Variants in ZNF782 observed in about 807,000 individuals in gnomAD.
ZNF782 encodes zinc finger protein 782.
Under a neutral mutation model 13.0 loss-of-function variants are expected in ZNF782, and 12 were observed. The ratio of observed to expected loss-of-function variants is 0.92; its 90% CI spans 0.59 to 1.50. The LOEUF (loss-of-function observed/expected upper bound fraction) is 1.50. Among genes scored for constraint, ZNF782 ranks in the 40% most tolerant of loss-of-function variants. The pLI, the probability that ZNF782 is intolerant of heterozygous loss-of-function variation, is 0.00. For synonymous variants in ZNF782, 284 were observed against 283.0 expected, an observed-to-expected ratio of 1.00 and a Z score of -0.04; for missense variants, 770 against 822.9, an observed-to-expected ratio of 0.94 and a Z score of 0.79.
At chr9:96,865,294 A>T (rs1424493664) in intron 1 of ZNF782, among the ~76,000 whole-genome samples, 2 of 152,178 alleles carry the variant, frequency 1.3e-5, no homozygotes, top group East Asian at 1.9e-4. Flanking sequence ...TATGGGAGGG[A>T]CCCAGTGGGA....
intron 1 of ZNF782, among the ~76,000 whole-genome samples, chr9:96,872,303 C>T (rs183368910): frequency 2.0e-5 from 3 of 152,174 alleles, no homozygotes; most frequent in East Asian, 3.9e-4. Context: ...GAGGCCAAGG[C>T]AGGTAGTTCA....
intron 1 of ZNF782, among the ~76,000 whole-genome samples, chr9:96,868,993 C>T (rs537363606): frequency 2.0e-5 from 3 of 152,078 alleles, no homozygotes; most frequent in Admixed American, 6.6e-5. Flanking sequence ...ACCTTTGCGC[C>T]TTGGCACACG....
the ZNF782 span, among the ~76,000 whole-genome samples, chr9:96,927,129 C>T: frequency 6.6e-6 from 1 of 152,102 alleles, no homozygotes; most frequent in Admixed American, 6.5e-5. Flanking sequence ...AGACAGGCTA[C>T]AATAATTCCC....
At chr9:96,879,371 C>T (rs1444347609), upstream of ZNF782, among the ~76,000 whole-genome samples, 1 of 152,148 alleles carries the variant, frequency 6.6e-6, no homozygotes, top group East Asian at 1.9e-4. Flanking sequence ...TGCCTGGTGG[C>T]GGGCGCCTGT....
the ZNF782 span, among the ~76,000 whole-genome samples, chr9:96,905,624 C>T: frequency 6.6e-6 from 1 of 151,624 alleles, no homozygotes; most frequent in East Asian, 2.0e-4. Flanking sequence ...GTCACCTAGG[C>T]TGGAGTGCTG....
chr9:96,891,144 G>T, the ZNF782 span: 1 of 152,178 alleles, frequency 6.6e-6, no homozygotes, highest in Non-Finnish European at 1.5e-5. Context: ...CGGAGTTATT[G>T]CTCTTTGGGT....
chr9:96,831,078 G>A (rs2118520821), intron 4 of ZNF782, among the ~76,000 whole-genome samples: 1 of 152,232 alleles, frequency 6.6e-6, no homozygotes, highest in Admixed American at 6.5e-5. Context: ...TAACAATTGT[G>A]TCATAGAAGT....
intron 5 of ZNF782, among the ~76,000 whole-genome samples, chr9:96,822,760 T>C (rs949641524): frequency 6.6e-6 from 1 of 152,190 alleles, no homozygotes; most frequent in Non-Finnish European, 1.5e-5. Context: ...TCCCAAAGGT[T>C]CTAATATGCA....
the ZNF782 span, among the ~76,000 whole-genome samples, chr9:96,884,606 T>C: frequency 6.6e-6 from 1 of 151,908 alleles, no homozygotes; most frequent in African/African-American, 2.4e-5. Flanking sequence ...GCTGGTCACA[T>C]AGTCACACTC....
chr9:96,887,338 GAAGAAAGA>G, the ZNF782 span: 1 of 128,168 alleles, frequency 7.8e-6, no homozygotes, highest in East Asian at 3.5e-4. Flanking sequence ...AGGAAGGAAG[GAAGAAAGA>G]AAGAAAGATA....
the ZNF782 span, chr9:96,892,995 G>A: frequency 6.6e-5 from 10 of 151,600 alleles, no homozygotes; most frequent in Admixed American, 3.9e-4. Context: ...TAACACCCTC[G>A]GAGCGCTCAC....
chr9:96,877,896 TTAAA>T (rs1851913746), upstream of ZNF782, among the ~76,000 whole-genome samples: 1 of 152,232 alleles, frequency 6.6e-6, no homozygotes, highest in Non-Finnish European at 1.5e-5. Flanking sequence ...TTCTGTTTTA[TTAAA>T]TACAGTCTTC....
upstream of ZNF782, among the ~76,000 whole-genome samples, chr9:96,878,892 C>G (rs1475056810): frequency 6.6e-6 from 1 of 152,196 alleles, no homozygotes; most frequent in Non-Finnish European, 1.5e-5. Context: ...TCAGTTTATG[C>G]TGTTTCCTCA....
At chr9:96,862,361 G>A (rs1040367798) in intron 1 of ZNF782, among the ~76,000 whole-genome samples, 1 of 152,126 alleles carries the variant, frequency 6.6e-6, no homozygotes, top group South Asian at 2.1e-4. Flanking sequence ...ATTTTATAGT[G>A]CCTAAAATAG....
chr9:96,925,017 A>C, the ZNF782 span, among the ~76,000 whole-genome samples: 19 of 152,184 alleles, frequency 1.2e-4, no homozygotes, highest in African/African-American at 4.6e-4. Context: ...ATTACCTTCT[A>C]ATCACAAATA....
At position 96,872,413 on chromosome 9, in the gene ZNF782, C is replaced by G. The variant is rs187499261; in HGVS notation, c.-457+3055G>C. 2.6e-5 allele frequency among the ~76,000 whole-genome samples: 4 copies of G among 152,092 alleles called. No homozygotes were observed. The East Asian group carries it at 7.7e-4, about 29-fold the overall frequency. ...GGGTGTGGTGGCACACACCTGTAAT[C>G]CCAGCTACTTTGGAGGCTGAGGCAG... On this transcript the variant is annotated intron_variant, in intron 1 of 5. Transcript: ENST00000498811.
At chr9:96,899,336 C>A in the ZNF782 span, among the ~76,000 whole-genome samples, 1 of 151,730 alleles carries the variant, frequency 6.6e-6, no homozygotes. Flanking sequence ...AGTAAGGATG[C>A]TAAATATCTT....
intron 4 of ZNF782, among the ~76,000 whole-genome samples, chr9:96,830,744 T>C (rs955338509): frequency 2.0e-5 from 3 of 152,092 alleles, no homozygotes; most frequent in African/African-American, 4.8e-5. Flanking sequence ...AGACAATCAA[T>C]AGATGCCAAC....
At chr9:96,930,479 G>A in the ZNF782 span, among the ~76,000 whole-genome samples, 1 of 144,002 alleles carries the variant, frequency 6.9e-6, no homozygotes, top group Admixed American at 7.0e-5. Flanking sequence ...AGCTGAGATC[G>A]CACCACTGCA....
Sources: allele counts gnomAD v4.1 joint callset (sites outside exome capture counted in the v4.1 genomes callset), GRCh38; gene constraint gnomAD v4.1.1; transcripts MANE v1.5; gene names NCBI Gene and HGNC (gene_info 2026-07-23, HGNC 2026-07-21).